RIOK1: variants seen among roughly 807,000 people sequenced by gnomAD.
The protein encoded by RIOK1 is RIO kinase 1.
RIOK1 carries 66 observed loss-of-function variants against 73.5 expected under a neutral mutation model. The observed-to-expected ratio is 0.90, with a 90% confidence interval of 0.74 to 1.10. The LOEUF (loss-of-function observed/expected upper bound fraction) is 1.10. Ranked by LOEUF, RIOK1 falls within the 50% of genes least tolerant of loss-of-function variation. The probability of loss-of-function intolerance (pLI) is 0.00; values close to 1 mark genes in which losing one functional copy is unlikely to be tolerated. For missense variants in RIOK1, 658 were observed against 699.8 expected (o/e 0.94, Z 0.67); for synonymous variants, 224 against 226.8 (o/e 0.99, Z 0.11).
rs78274858 is a variant in RIOK1 at position 7,411,497 on chromosome 6, T to C, written c.1389+46T>C. On this transcript the variant is annotated intron_variant, in intron 14 of 16. Coordinates refer to ENST00000379834, the MANE Select transcript of RIOK1 (RefSeq NM_031480.3). ...ATAGCAAGCAGCTCTTCAAAAGTAG[T>C]AGGGGACTGTCCCAAACCTATCTGG... 1.9e-3 allele frequency: 3,095 copies of C among 1,609,138 alleles called. 41 individuals are homozygous for C. In the African/African-American group the frequency reaches 0.036, roughly 19 times the overall value.
In RIOK1 at chr6:7,399,705, C is replaced by T. The variant is rs566537883; in HGVS notation, c.480+965C>T. Reference sequence around the variant, plus strand: ...CCCTGACTTGTCTAACTGCCAACTTCGCAGAAGCACAGTTCTGTACCTAGA... The same window carrying T: ...CCCTGACTTGTCTAACTGCCAACTTTGCAGAAGCACAGTTCTGTACCTAGA... On this transcript the variant is annotated intron_variant, in intron 5 of 16. Coordinates refer to ENST00000379834, the MANE Select transcript of RIOK1 (RefSeq NM_031480.3). Among the ~76,000 whole-genome samples the T allele has an allele frequency of 3.4e-4, 52 of 152,298 alleles. 3 individuals carry two copies. In the South Asian group the frequency reaches 5.8e-3, roughly 17 times the overall value.
intron 15 of RIOK1, among the ~76,000 whole-genome samples, chr6:7,413,809 C>T (rs1006650693): frequency 2.0e-5 from 3 of 152,226 alleles, no homozygotes; most frequent in African/African-American, 7.2e-5. Flanking sequence ...TTCTCTTCTT[C>T]ACATATTGTT....
chr6:7,401,322 T>C (rs1221944522), intron 6 of RIOK1, among the ~76,000 whole-genome samples: 1 of 152,184 alleles, frequency 6.6e-6, no homozygotes, highest in Non-Finnish European at 1.5e-5. Flanking sequence ...AAATTACTCA[T>C]GGGGCCAGGG....
At position 7,404,966 on chromosome 6, in the gene RIOK1, G is replaced by A; in HGVS notation, c.1041G>A (p.Glu347=). The A allele has an allele frequency of 6.2e-7, 1 of 1,614,168 alleles. No homozygotes were observed. ...TCATTGACGTGTCTCAGTCCGTGGA[G>A]CACGACCACCCACATGCCTTGGAGT... ...VYIIDVSQSV[E]HDHPHALEFL... The change falls in exon 11 of 17, where the codon GAG becomes GAA. Residue 347 remains glutamate, a synonymous_variant. Coordinates refer to ENST00000379834, the MANE Select transcript of RIOK1 (RefSeq NM_031480.3).
In RIOK1 at chr6:7,416,954, A is replaced by T. The variant is rs1339024753; in HGVS notation, c.1597-377A>T. On this transcript the variant is annotated intron_variant, in intron 16 of 16. Transcript: ENST00000379834. ...TATTTTATTTAGTTATAATCATAAT[A>T]ATACTCCAGGTGGGTGCAGTGGCTC... 2.0e-5 allele frequency among the ~76,000 whole-genome samples: 3 copies of T among 152,252 alleles called. No homozygotes were observed. In the East Asian group the frequency reaches 5.8e-4, roughly 29 times the overall value.
intron 1 of RIOK1, chr6:7,392,803 C>A: frequency 5.8e-6 from 2 of 342,950 alleles, no homozygotes; most frequent in African/African-American, 2.2e-5. Context: ...GTTGTTTATT[C>A]AGCAGAGAAG....
intron 16 of RIOK1, among the ~76,000 whole-genome samples, chr6:7,416,839 G>C (rs1477757915): frequency 6.6e-6 from 1 of 151,766 alleles, no homozygotes; most frequent in Admixed American, 6.6e-5. Context: ...AAAACTGAAA[G>C]ACAGTTTTCA....
At chr6:7,405,846 C>T (rs943900345) in intron 12 of RIOK1, among the ~76,000 whole-genome samples, 10 of 131,444 alleles carry the variant, frequency 7.6e-5, no homozygotes, top group African/African-American at 2.5e-4. Context: ...CTTTTTACTT[C>T]AATTATCTGG....
At chr6:7,415,668 A>T (rs1216984678) in intron 16 of RIOK1, among the ~76,000 whole-genome samples, 3 of 152,238 alleles carry the variant, frequency 2.0e-5, no homozygotes, top group Non-Finnish European at 4.4e-5. Flanking sequence ...CGAAGGTTTC[A>T]AAGGTTTCAG....
rs745763720 is a variant in RIOK1, at chr6:7,404,981, T to C, written c.1056T>C (p.His352=). The C allele has an allele frequency of 1.9e-6, 3 of 1,614,210 alleles. No individual in the cohort carries two copies. Among genetic ancestry groups the C allele is most frequent in the South Asian group, 1.1e-5 (1 of 91,060 alleles). ...VSQSVEHDHP[H]ALEFLRKDCA... ...AGTCCGTGGAGCACGACCACCCACA[T>C]GCCTTGGAGTTCTTGAGAAAGGATT... Residue 352 remains histidine (H), a synonymous_variant, in exon 11 of 17, where the codon CAT becomes CAC. Transcript: ENST00000379834.
At position 7,393,761 on chromosome 6, in the gene RIOK1, T is replaced by G. The variant is rs184898620; in HGVS notation, c.276+458T>G. On this transcript the variant is annotated intron_variant, in intron 2 of 16. Transcript: ENST00000379834. ...GGATAAGCTGGTATGTGATAAAAAC[T>G]TTAAAAGCTTCAAAATACTTTGACT... Among the ~76,000 whole-genome samples, 5 of 152,318 alleles carry G rather than the reference T, an allele frequency of 3.3e-5. No individual in the cohort carries two copies. In the East Asian group the frequency reaches 9.6e-4, roughly 29 times the overall value.
intron 12 of RIOK1, among the ~76,000 whole-genome samples, chr6:7,407,583 C>T (rs935435225): frequency 6.6e-6 from 1 of 151,876 alleles, no homozygotes; most frequent in Non-Finnish European, 1.5e-5. Flanking sequence ...CTTCTAGACT[C>T]AAGCAGTTCT....
intron 12 of RIOK1, among the ~76,000 whole-genome samples, chr6:7,406,472 T>A (rs748404945): frequency 1.3e-4 from 20 of 152,220 alleles, no homozygotes; most frequent in Non-Finnish European, 2.6e-4. Flanking sequence ...AAACTGATAT[T>A]CTGTACCCAT....
chr6:7,410,997 A>G (rs1561881064), intron 13 of RIOK1, among the ~76,000 whole-genome samples: 1 of 152,200 alleles, frequency 6.6e-6, no homozygotes, highest in Non-Finnish European at 1.5e-5. Flanking sequence ...TGCCAACTGT[A>G]ATTCCGCCCC....
rs2113529657 is a variant in RIOK1, at chr6:7,412,909, A to G, written c.1410A>G (p.Thr470=). 1 of 1,554,522 alleles carries G rather than the reference A, an allele frequency of 6.4e-7. No homozygotes were observed. Among genetic ancestry groups the G allele is most frequent in the South Asian group, 1.2e-5 (1 of 81,694 alleles). The change falls in exon 15 of 17, where the codon ACA becomes ACG. Residue 470 remains threonine (T), a synonymous_variant. Transcript: ENST00000379834. ...QQDNILYQTV[T]GLKKDLSGVQ... ...ATAAGATTCTATACCAGACTGTTAC[A>G]GGATTGAAGAAAGATTTGTCAGGAG... is the stretch of plus-strand genomic sequence containing the variant.
In RIOK1 at chr6:7,405,334, C is replaced by T. The variant is rs1261609827; in HGVS notation, c.1182C>T (p.Asn394=). ...CAGATCCATCCATTACACATGAGAA[C>T]ATGGATGCTTATCTCTCAAAGGTAA... ...FVTDPSITHE[N]MDAYLSKAME... is the part of the protein sequence containing the mutation. Residue 394 remains asparagine, a synonymous_variant, in exon 12 of 17, where the codon AAC becomes AAT. Coordinates refer to ENST00000379834, the MANE Select transcript of RIOK1 (RefSeq NM_031480.3). 6 of 1,603,386 alleles carry T rather than the reference C, an allele frequency of 3.7e-6. No homozygotes were observed. Among genetic ancestry groups the T allele is most frequent in the South Asian group, 3.3e-5 (3 of 90,874 alleles).
intron 12 of RIOK1, among the ~76,000 whole-genome samples, chr6:7,407,885 C>G (rs1157728006): frequency 2.0e-5 from 3 of 151,960 alleles, no homozygotes; most frequent in Non-Finnish European, 2.9e-5. Flanking sequence ...AATGTTTATT[C>G]CCATTCTGTG....
chr6:7,393,105 C>T lies in RIOK1; in HGVS notation c.78C>T (p.Asn26=), dbSNP rs1761381094. 6.2e-7 allele frequency: 1 copy of T among 1,612,420 alleles called. No individual in the cohort carries two copies. Among genetic ancestry groups the T allele is most frequent in the Non-Finnish European group, 8.5e-7 (1 of 1,178,888 alleles). The part of the protein sequence containing the change: ...FDDADSSDSE[N]RDLKTVKEKD... Reference sequence around the variant, plus strand: ...AAAACATTGTTATTTCTAGTGAAAACAGAGACTTGAAGACAGTCAAAGAGA... The same window carrying T: ...AAAACATTGTTATTTCTAGTGAAAATAGAGACTTGAAGACAGTCAAAGAGA... The change falls in exon 2 of 17, where the codon AAC becomes AAT. Residue 26 remains asparagine (N), a synonymous_variant. Transcript: ENST00000379834.
chr6:7,393,033 A>G, intron 1 of RIOK1, 66 bp from the exon 2 acceptor site: 1 of 1,435,762 alleles, frequency 7.0e-7, no homozygotes, highest in East Asian at 2.3e-5. Flanking sequence ...TACATCATAA[A>G]TATGTGAGAT....
Sources: allele counts gnomAD v4.1 joint callset (sites outside exome capture counted in the v4.1 genomes callset), GRCh38; gene constraint gnomAD v4.1.1; transcripts MANE v1.5; gene names NCBI Gene and HGNC (gene_info 2026-07-23, HGNC 2026-07-21).